Variants in SETD5 observed in about 807,000 individuals in gnomAD.
SETD5 encodes the protein SET domain containing 5.
In SETD5, 44 loss-of-function variants were observed where a neutral mutation model predicts 153.3. The ratio of observed to expected loss-of-function variants is 0.29; its 90% confidence interval spans 0.23 to 0.37. SETD5 has a LOEUF of 0.37. Among genes scored for constraint, SETD5 ranks in the 10% least tolerant of loss-of-function variants. The probability of loss-of-function intolerance (pLI) is 1.00; values close to 1 mark genes in which losing one functional copy is unlikely to be tolerated. For missense variants in SETD5, 1,544 were observed against 1,768.0 expected (o/e 0.87, Z 2.27); for synonymous variants, 716 against 645.2 (o/e 1.11, Z -1.66).
At chr3:9,452,990 A>AAAG (rs2042806790) in intron 16 of SETD5, among the ~76,000 whole-genome samples, 1 of 152,120 alleles carries the variant, frequency 6.6e-6, no homozygotes, top group African/African-American at 2.4e-5. Flanking sequence ...ACATAATCTT[A>AAAG]TTATCCTAAT....
rs903600741 is a variant in SETD5, at chr3:9,455,168, C to CTTTTT, written c.2476+1318_2476+1322dup. 9.5e-4 allele frequency among the ~76,000 whole-genome samples: 95 copies of CTTTTT among 99,888 alleles called. 1 individual carries two copies. The highest frequency in any genetic ancestry group is 1.7e-3 in the South Asian group (5 of 2,916). The allele number at this position is 99,888 out of a possible 152,430, so 65.5% of individuals were successfully genotyped here. A position where few individuals can be genotyped will look rare whatever the true frequency, so the allele number is the denominator to read the frequency against. ...GTGAATTGCCTTTTTTTCTTTTTTTCTTTTTTTTTTTTTTTTTTTTTTGAA... is the reference window on the plus strand; with the variant it reads ...GTGAATTGCCTTTTTTTCTTTTTTTCTTTTTTTTTTTTTTTTTTTTTTTTTTTGAA... On this transcript the variant is annotated intron_variant, in intron 17 of 22. Transcript: ENST00000402198.
chr3:9,420,182 G>A (rs1423735074), intron 1 of SETD5, among the ~76,000 whole-genome samples: 1 of 152,020 alleles, frequency 6.6e-6, no homozygotes, highest in African/African-American at 2.4e-5. Flanking sequence ...TGTTAAATGG[G>A]TTGTAAATAA....
In SETD5 at chr3:9,440,712, G is replaced by T. The variant is rs1009140017; in HGVS notation, c.810+14G>T. On this transcript the variant is annotated intron_variant, in intron 8 of 22. Transcript: ENST00000402198. ...TCCCAAATGCAGGTAAGCACCAAAG[G>T]GTTGAGGACTCTCTAAGTAGCTGAA... 5 of 1,609,872 alleles carry T rather than the reference G, an allele frequency of 3.1e-6. No individual in the cohort carries two copies. Among genetic ancestry groups the T allele is most frequent in the Non-Finnish European group, 2.5e-6 (3 of 1,178,056 alleles).
At chr3:9,430,734 T>TA (rs2125061527) in intron 3 of SETD5, 1 of 741,992 alleles carries the variant, frequency 1.3e-6, no homozygotes, top group Non-Finnish European at 1.6e-6. Flanking sequence ...CAGTTAATCT[T>TA]ACAATTGGTG....
At chr3:9,404,814 G>A (rs574967776) in intron 1 of SETD5, among the ~76,000 whole-genome samples, 1 of 152,140 alleles carries the variant, frequency 6.6e-6, no homozygotes, top group East Asian at 1.9e-4. Flanking sequence ...GATTCCAAAG[G>A]TTTTGATAAC....
intron 11 of SETD5, among the ~76,000 whole-genome samples, chr3:9,444,747 TG>T (rs1251699489): frequency 1.3e-5 from 2 of 151,832 alleles, no homozygotes; most frequent in Non-Finnish European, 2.9e-5. Context: ...AAAAATTAGC[TG>T]GGCGTGTAGT....
intron 1 of SETD5, among the ~76,000 whole-genome samples, chr3:9,416,600 A>G (rs1031374625): frequency 2.0e-5 from 3 of 152,226 alleles, no homozygotes; most frequent in Non-Finnish European, 2.9e-5. Context: ...TACTCAGCAA[A>G]TCTAGCAATT....
chr3:9,475,221 CAT>C (rs1341535186), intron 22 of SETD5, 65 bp downstream of exon 22: 22 of 1,425,180 alleles, frequency 1.5e-5, no homozygotes, highest in African/African-American at 2.9e-5. Context: ...TTGTCCTGGT[CAT>C]CCTTTGCCAT....
intron 17 of SETD5, among the ~76,000 whole-genome samples, chr3:9,463,412 G>A (rs975607171): frequency 1.1e-4 from 16 of 152,232 alleles, no homozygotes; most frequent in African/African-American, 3.9e-4. Flanking sequence ...TAATCAGTAG[G>A]TATTAAATAT....
chr3:9,432,188 G>A (rs1171796660), intron 3 of SETD5: 3 of 606,952 alleles, frequency 4.9e-6, no homozygotes, highest in Non-Finnish European at 6.2e-6. Flanking sequence ...TTCCCATCTT[G>A]CAGACACTTT....
intron 1 of SETD5, 92 bp from the exon 2 acceptor site, chr3:9,424,375 A>G (rs966400069): frequency 6.6e-6 from 1 of 152,186 alleles, no homozygotes; most frequent in African/African-American, 2.4e-5. Flanking sequence ...ACAAGACAGT[A>G]TACAGAAACA....
Position 9,445,133 on chromosome 3 carries a change from C to T in SETD5, c.1273C>T (p.Leu425Phe), listed in dbSNP as rs372257643. Residue 425 changes from leucine (L) to phenylalanine (F), a missense_variant, in exon 12 of 23, where the codon CTC (leucine) becomes TTC (phenylalanine). Coordinates refer to ENST00000402198, the MANE Select transcript of SETD5 (RefSeq NM_001080517.3). ...GAATCCTAATGCTACAGAACTGCCA[C>T]TCCTACCACCTCCTCCAAGCCTACC... ...KRNPNATELP[L>F]LPPPPSLPTI... 3 of 1,614,012 alleles carry T rather than the reference C, an allele frequency of 1.9e-6. No individual in the cohort carries two copies. The highest frequency in any genetic ancestry group is 2.5e-6 in the Non-Finnish European group (3 of 1,179,894).
At chr3:9,436,646 A>C (rs189981686) in intron 7 of SETD5, among the ~76,000 whole-genome samples, 63 of 152,358 alleles carry the variant, frequency 4.1e-4, no homozygotes, top group African/African-American at 1.5e-3. Context: ...AGTAGAAAGT[A>C]TTAAAATTAG....
chr3:9,443,259 A>T, intron 10 of SETD5, 49 bp from the exon 11 acceptor site: 1 of 1,342,790 alleles, frequency 7.4e-7, no homozygotes. Flanking sequence ...TCTCTTACGG[A>T]AAGTTCATGG....
chr3:9,420,497 G>A (rs2038211499), intron 1 of SETD5, among the ~76,000 whole-genome samples: 1 of 152,142 alleles, frequency 6.6e-6, no homozygotes, highest in Non-Finnish European at 1.5e-5. Context: ...CCTAGAGGGA[G>A]TATAAATTTA....
intron 3 of SETD5, among the ~76,000 whole-genome samples, chr3:9,432,885 A>G (rs1474708023): frequency 6.6e-6 from 1 of 152,208 alleles, no homozygotes; most frequent in African/African-American, 2.4e-5. Context: ...GTCTCAAATA[A>G]TTTTCTTTAA....
rs1174849805 is a variant in SETD5, at chr3:9,464,441, A to C, written c.2493A>C (p.Leu831Phe). The C allele has an allele frequency of 6.2e-7, 1 of 1,611,386 alleles. No individual in the cohort carries two copies. Among genetic ancestry groups the C allele is most frequent in the African/African-American group, 1.3e-5 (1 of 74,878 alleles). ...CKDNADLLSP[L>F]KKWKSRYLME... Reference sequence around the variant, plus strand: ...GTTTCACAGACTTGTTGAGCCCATTAAAGAAATGGAAGTCTCGCTATCTGA... The same window carrying C: ...GTTTCACAGACTTGTTGAGCCCATTCAAGAAATGGAAGTCTCGCTATCTGA... Residue 831 changes from leucine (L) to phenylalanine (F), a missense_variant, in exon 18 of 23, where the codon TTA becomes TTC. This residue lies in a region of SETD5 where 782 missense variants were observed against 787.2 expected (regional missense o/e 0.99). Coordinates refer to ENST00000402198, the MANE Select transcript of SETD5 (RefSeq NM_001080517.3).
chr3:9,445,928 T>G (rs1234292012), intron 13 of SETD5, among the ~76,000 whole-genome samples, 188 bp downstream of exon 13: 4 of 151,284 alleles, frequency 2.6e-5, no homozygotes, highest in African/African-American at 9.7e-5. Context: ...ACAGTAGTTT[T>G]GTAGTGATTA....
intron 2 of SETD5, among the ~76,000 whole-genome samples, chr3:9,428,091 A>G (rs2039526570): frequency 6.6e-6 from 1 of 152,130 alleles, no homozygotes; most frequent in South Asian, 2.1e-4. Flanking sequence ...GGTTCACAGG[A>G]AAATTCATCA....
Sources: allele counts gnomAD v4.1 joint callset (sites outside exome capture counted in the v4.1 genomes callset), GRCh38; gene constraint gnomAD v4.1.1; regional missense constraint gnomAD v4.1.1; transcripts MANE v1.5; gene names NCBI Gene and HGNC (gene_info 2026-07-23, HGNC 2026-07-21).